PDZD2: variants seen among roughly 807,000 people sequenced by gnomAD.
PDZD2 encodes PDZ domain-containing protein 2.
In PDZD2, 90 loss-of-function variants were observed where a neutral mutation model predicts 220.7. That is an observed-to-expected ratio of 0.41 (90% CI 0.34 to 0.49). The LOEUF is 0.49. PDZD2 is among the 20% of genes least tolerant of loss of function. PDZD2 has a pLI of 0.28. For synonymous variants in PDZD2, 1,375 were observed against 1,450.5 expected, an observed-to-expected ratio of 0.95 and a Z score of 1.18; for missense variants, 3,174 against 3,608.5, an observed-to-expected ratio of 0.88 and a Z score of 3.08.
intron 1 of PDZD2, among the ~76,000 whole-genome samples, chr5:31,792,851 A>G (rs573042785): frequency 3.7e-4 from 56 of 149,958 alleles, no homozygotes; most frequent in Middle Eastern, 7.4e-3. Flanking sequence ...TTATTATTAT[A>G]TTTGAGACAG....
chr5:32,085,065 G>A (rs893404297), intron 19 of PDZD2, among the ~76,000 whole-genome samples: 3 of 144,884 alleles, frequency 2.1e-5, no homozygotes, highest in South Asian at 2.2e-4. Context: ...AGCGAATCTC[G>A]TGCCTCAGCC....
At chr5:31,747,275 C>T (rs1385402924) in intron 1 of PDZD2, among the ~76,000 whole-genome samples, 3 of 152,086 alleles carry the variant, frequency 2.0e-5, no homozygotes, top group South Asian at 4.1e-4. Context: ...GCTTGGCTTT[C>T]GTGAAGCATG....
At chr5:32,014,079 C>T (rs1336029220) in intron 6 of PDZD2, among the ~76,000 whole-genome samples, 2 of 152,208 alleles carry the variant, frequency 1.3e-5, no homozygotes, top group East Asian at 3.8e-4. Flanking sequence ...TATATGTTCA[C>T]AATCTATGAT....
chr5:31,765,034 G>C (rs181716512), intron 1 of PDZD2, among the ~76,000 whole-genome samples: 1 of 151,580 alleles, frequency 6.6e-6, no homozygotes, highest in African/African-American at 2.4e-5. Flanking sequence ...CCGAGATCAC[G>C]CTACTGCACT....
chr5:32,078,975 G>C (rs1464358885), intron 19 of PDZD2, among the ~76,000 whole-genome samples: 2 of 151,982 alleles, frequency 1.3e-5, no homozygotes, highest in Non-Finnish European at 1.5e-5. Context: ...TTGGATTCTG[G>C]TGGGGCGCGG....
intron 1 of PDZD2, among the ~76,000 whole-genome samples, chr5:31,714,327 G>A (rs1748310958): frequency 6.6e-6 from 1 of 152,216 alleles, no homozygotes; most frequent in South Asian, 2.1e-4. Context: ...GATTCCTAAT[G>A]CTGTATCTGT....
At chr5:31,865,144 G>T (rs746139990) in intron 2 of PDZD2, among the ~76,000 whole-genome samples, 1 of 152,032 alleles carries the variant, frequency 6.6e-6, no homozygotes, top group South Asian at 2.1e-4. Context: ...ATCGCGCCCA[G>T]CTGAGATTTG....
intron 2 of PDZD2, among the ~76,000 whole-genome samples, chr5:31,972,723 T>C (rs1248797486): frequency 6.6e-6 from 1 of 152,222 alleles, no homozygotes; most frequent in Non-Finnish European, 1.5e-5. Context: ...ATATGTGTTC[T>C]GATGTTCCTC....
intron 21 of PDZD2, among the ~76,000 whole-genome samples, chr5:32,095,889 C>A (rs283105): frequency 6.6e-6 from 1 of 150,804 alleles, no homozygotes. Flanking sequence ...TACTGGTGCC[C>A]GCCACCATGC....
chr5:31,970,191 G>A (rs12110120), intron 2 of PDZD2, among the ~76,000 whole-genome samples: 33,522 of 151,842 alleles, frequency 0.22, 3,825 homozygotes, highest in South Asian at 0.28. Context: ...CACCGCGCCC[G>A]GCCCGACTAA....
intron 1 of PDZD2, chr5:31,744,218 T>C (rs1374182984): frequency 6.6e-6 from 1 of 152,204 alleles, no homozygotes; most frequent in Non-Finnish European, 1.5e-5. Context: ...CCTGCTCTGA[T>C]GTTGTTTCCA....
In PDZD2 at chr5:32,098,538, A is replaced by C. The variant is rs762781749; in HGVS notation, c.8122A>C (p.Met2708Leu). 1 of 1,614,164 alleles carries C rather than the reference A, an allele frequency of 6.2e-7. No individual in the cohort carries two copies. The highest frequency in any genetic ancestry group is 2.2e-5 in the East Asian group (1 of 44,880). Residue 2708 changes from methionine (M) to leucine (L), a missense_variant, in exon 23 of 25, where the codon ATG becomes CTG. Around this residue, in one of 4 missense-constraint regions of PDZD2, gnomAD observed 631 missense variants for 789.9 expected, o/e 0.80. Coordinates refer to ENST00000438447, the MANE Select transcript of PDZD2 (RefSeq NM_178140.4). This position sits in a 1 kb window ranked among gnomAD's most constrained non-coding sequence, Gnocchi z 4.1. ...KDALVVIKKGMDQPRPSARQE... is the reference protein window; with the variant it reads ...KDALVVIKKGLDQPRPSARQE... ...TGCCCTCGTGGTCATCAAGAAAGGGATGGATCAGCCCAGGCCCTCTGCCCG... is the reference window on the plus strand; with the variant it reads ...TGCCCTCGTGGTCATCAAGAAAGGGCTGGATCAGCCCAGGCCCTCTGCCCG...
intron 2 of PDZD2, among the ~76,000 whole-genome samples, chr5:31,950,145 A>T (rs1747051819): frequency 6.6e-6 from 1 of 152,172 alleles, no homozygotes; most frequent in African/African-American, 2.4e-5. Flanking sequence ...ACTTAAGTTG[A>T]CCATCTATGA....
rs562986084 is a variant in PDZD2 at position 31,723,305 on chromosome 5, A to G, written c.-360-75584A>G. Among the ~76,000 whole-genome samples the G allele has an allele frequency of 3.1e-5, 4 of 131,062 alleles. No individual in the cohort carries two copies. In the South Asian group the frequency reaches 1.1e-3, roughly 37 times the overall value. The allele number at this position is 131,062 out of a possible 152,430, so 86.0% of individuals were successfully genotyped here. A position where few individuals can be genotyped will look rare whatever the true frequency, so the allele number is the denominator to read the frequency against. The stretch of plus-strand genomic sequence containing the variant: ...TAATTCTTACTTATTTCTGTAAGCA[A>G]GCAATCTGAGATTTTTTAAGATGCT... On this transcript the variant is annotated intron_variant, in intron 1 of 24. Coordinates refer to ENST00000438447, the MANE Select transcript of PDZD2 (RefSeq NM_178140.4).
At chr5:31,737,195 G>A (rs1323184379) in intron 1 of PDZD2, among the ~76,000 whole-genome samples, 4 of 93,202 alleles carry the variant, frequency 4.3e-5, no homozygotes, top group African/African-American at 1.9e-4. Flanking sequence ...TTTTTTTTGA[G>A]ATGGAGTCTC....
chr5:31,886,162 G>C (rs1740452099), intron 2 of PDZD2, among the ~76,000 whole-genome samples: 1 of 152,162 alleles, frequency 6.6e-6, no homozygotes, highest in African/African-American at 2.4e-5. Flanking sequence ...GCCTCCCAAA[G>C]TGCTGAGGTT....
intron 9 of PDZD2, among the ~76,000 whole-genome samples, chr5:32,053,146 G>A (rs1486603430): frequency 1.3e-5 from 2 of 152,208 alleles, no homozygotes; most frequent in Admixed American, 6.5e-5. Context: ...CTCCTACGAT[G>A]TAAGGAGTCA....
At position 31,671,489 on chromosome 5, in the gene PDZD2, GC is replaced by G. The variant is rs139353458; in HGVS notation, c.-361+32053del. The stretch of plus-strand genomic sequence containing the variant: ...CAGCATCAGGACTGGGAGCTGGCGT[GC>G]TGTGCTCATAGCAGCGGCACAACCT... On this transcript the variant is annotated intron_variant, in intron 1 of 24. Transcript: ENST00000438447. Among the ~76,000 whole-genome samples, 1,348 of 152,308 alleles carry G rather than the reference GC, an allele frequency of 8.9e-3. 22 individuals carry two copies. The highest frequency in any genetic ancestry group is 0.031 in the African/African-American group (1,276 of 41,562).
chr5:31,777,960 G>A (rs1331317237), intron 1 of PDZD2, among the ~76,000 whole-genome samples: 1 of 137,842 alleles, frequency 7.3e-6, no homozygotes. Context: ...GGGACTTGGA[G>A]AACTTTTATG....
Sources: gnomAD v4.1 joint callset for allele counts (sites outside exome capture counted in the v4.1 genomes callset) on GRCh38, gnomAD v4.1.1 for gene constraint, gnomAD v4.1.1 regional missense constraint, Gnocchi (gnomAD v3.1) non-coding constraint, MANE v1.5 for transcripts, NCBI Gene and HGNC (gene_info 2026-07-23, HGNC 2026-07-21) for gene names.